The following PARD3B variants were observed in gnomAD, a reference collection of about 807,000 sequenced individuals.
The protein encoded by PARD3B is partitioning defective 3 homolog B.
A neutral mutation model predicts 130.2 loss-of-function variants in PARD3B; 103 were observed. That is an observed-to-expected ratio of 0.79 (90% CI 0.67 to 0.93). The LOEUF is 0.93. Ranked by LOEUF, PARD3B falls within the 40% of genes least tolerant of loss-of-function variation. The probability of loss-of-function intolerance (pLI) is 0.00; values close to 1 mark genes in which losing one functional copy is unlikely to be tolerated. For missense variants in PARD3B, 1,609 were observed against 1,499.2 expected, an observed-to-expected ratio of 1.07 and a Z score of -1.21; for synonymous variants, 583 against 553.2, an observed-to-expected ratio of 1.05 and a Z score of -0.76.
chr2:205,087,563 T>A (rs1177410857), intron 4 of PARD3B, among the ~76,000 whole-genome samples: 1 of 152,320 alleles, frequency 6.6e-6, no homozygotes, highest in African/African-American at 2.4e-5. Context: ...GTTGTCTACA[T>A]TTTATAAAAC....
chr2:205,289,080 T>C (rs2105865691), intron 16 of PARD3B, among the ~76,000 whole-genome samples: 1 of 152,336 alleles, frequency 6.6e-6, no homozygotes, highest in East Asian at 1.9e-4. Flanking sequence ...GGCATGGTTA[T>C]TCTCAGGAAA....
intron 18 of PARD3B, among the ~76,000 whole-genome samples, chr2:205,331,661 T>C (rs1446456054): frequency 2.0e-5 from 3 of 151,138 alleles, no homozygotes; most frequent in African/African-American, 7.3e-5. Context: ...TGGGTGCCTG[T>C]AATCCCAGGT....
intron 4 of PARD3B, among the ~76,000 whole-genome samples, chr2:205,074,773 G>A (rs2125495322): frequency 6.6e-6 from 1 of 152,212 alleles, no homozygotes; most frequent in South Asian, 2.1e-4. Context: ...CTATTTCACA[G>A]GCGCTCAAAA....
rs550927583 is a variant in PARD3B at position 204,700,533 on chromosome 2, A to G, written c.222+14251A>G. Among the ~76,000 whole-genome samples, 3 of 152,252 alleles carry G rather than the reference A, an allele frequency of 2.0e-5. No homozygotes were observed. The South Asian group carries it at 6.2e-4, about 31-fold the overall frequency. On this transcript the variant is annotated intron_variant, in intron 2 of 22. Coordinates refer to ENST00000406610, the MANE Select transcript of PARD3B (RefSeq NM_001302769.2). The stretch of plus-strand genomic sequence containing the variant: ...TTTTGACACGCAATCTTTTATTATG[A>G]CATCTAGTTGATTAATACTTCAGCC...
intron 20 of PARD3B, among the ~76,000 whole-genome samples, chr2:205,450,172 A>G (rs192674903): frequency 9.4e-4 from 143 of 152,298 alleles, no homozygotes; most frequent in Non-Finnish European, 1.7e-3. Context: ...TTATTGGACT[A>G]TATATTATCA....
intron 20 of PARD3B, among the ~76,000 whole-genome samples, chr2:205,479,575 A>G (rs2049150679): frequency 6.6e-6 from 1 of 152,222 alleles, no homozygotes; most frequent in Non-Finnish European, 1.5e-5. Context: ...GTGCTTAGGA[A>G]AAAATGCACC....
At chr2:205,413,452 C>G (rs987066656) in intron 19 of PARD3B, among the ~76,000 whole-genome samples, 14 of 152,044 alleles carry the variant, frequency 9.2e-5, no homozygotes, top group Non-Finnish European at 1.9e-4. Flanking sequence ...TAAGTAGTTG[C>G]TGAATAATGG....
intron 6 of PARD3B, among the ~76,000 whole-genome samples, chr2:205,114,472 A>G (rs373525305): frequency 9.8e-5 from 14 of 142,898 alleles, no homozygotes; most frequent in African/African-American, 3.2e-4. Context: ...CACATCATTG[A>G]AAAGGGGGGA....
intron 16 of PARD3B, among the ~76,000 whole-genome samples, chr2:205,286,999 A>G (rs1032234797): frequency 2.0e-5 from 3 of 152,186 alleles, no homozygotes; most frequent in Non-Finnish European, 4.4e-5. Context: ...GAGCAAACCA[A>G]TGTAATAAAA....
chr2:205,333,642 A>G (rs1211361912), intron 18 of PARD3B, among the ~76,000 whole-genome samples: 1 of 152,204 alleles, frequency 6.6e-6, no homozygotes, highest in African/African-American at 2.4e-5. Flanking sequence ...TTTGAGGGAA[A>G]GAATCTACAG....
At chr2:204,962,303 C>T (rs1299629911) in intron 2 of PARD3B, among the ~76,000 whole-genome samples, 1 of 152,144 alleles carries the variant, frequency 6.6e-6, no homozygotes, top group East Asian at 1.9e-4. Flanking sequence ...TCATCCAATC[C>T]AACATTGCCT....
rs936881607 is a variant in PARD3B, at chr2:204,610,185, C to G, written c.120+64066C>G. ...GCTGGAAATTCAGTTTTTCAGGTTT[C>G]TCTGGAGTCCCCTTGGCCATGAGGG... On this transcript the variant is annotated intron_variant, in intron 1 of 22. Coordinates refer to ENST00000406610, the MANE Select transcript of PARD3B (RefSeq NM_001302769.2). The surrounding 1 kb of genome is among the most constrained non-coding windows in gnomAD (Gnocchi z 4.1). Among the ~76,000 whole-genome samples the G allele has an allele frequency of 1.3e-5, 2 of 152,136 alleles. No homozygotes were observed. The highest frequency in any genetic ancestry group is 2.9e-5 in the Non-Finnish European group (2 of 68,030).
At chr2:204,641,202 G>T (rs960652617) in intron 1 of PARD3B, among the ~76,000 whole-genome samples, 1 of 149,052 alleles carries the variant, frequency 6.7e-6, no homozygotes, top group Non-Finnish European at 1.5e-5. Flanking sequence ...TATATGGCTG[G>T]AGTAAATATA....
intron 16 of PARD3B, among the ~76,000 whole-genome samples, chr2:205,249,237 A>AT (rs2125926032): frequency 7.0e-6 from 1 of 143,526 alleles, no homozygotes; most frequent in African/African-American, 2.6e-5. Flanking sequence ...CTCTTTAACT[A>AT]TAGAAATGTG....
intron 20 of PARD3B, among the ~76,000 whole-genome samples, chr2:205,447,033 G>GA (rs2047930175): frequency 6.6e-6 from 1 of 152,070 alleles, no homozygotes; most frequent in African/African-American, 2.4e-5. Context: ...ATCAGTAAAA[G>GA]AAAAAAATTG....
At chr2:205,317,768 C>T (rs1228415367) in intron 18 of PARD3B, among the ~76,000 whole-genome samples, 1 of 152,000 alleles carries the variant, frequency 6.6e-6, no homozygotes, top group Admixed American at 6.6e-5. Flanking sequence ...CCATATACAA[C>T]AAATTTAAAA....
At chr2:204,802,983 T>TATAATAATA (rs147774357) in intron 2 of PARD3B, among the ~76,000 whole-genome samples, 266 of 148,914 alleles carry the variant, frequency 1.8e-3, no homozygotes, top group African/African-American at 6.0e-3. Flanking sequence ...GAAACTAAAG[T>TATAATAATA]ATAATAATAA....
intron 18 of PARD3B, among the ~76,000 whole-genome samples, chr2:205,315,613 T>G (rs537918780): frequency 5.3e-5 from 8 of 152,340 alleles, no homozygotes; most frequent in Admixed American, 4.6e-4. Context: ...CTATTTAGTT[T>G]GGCATTCAAT....
At chr2:204,859,290 A>G (rs2045087982) in intron 2 of PARD3B, among the ~76,000 whole-genome samples, 2 of 152,196 alleles carry the variant, frequency 1.3e-5, no homozygotes, top group African/African-American at 4.8e-5. Context: ...TTGGGAAATA[A>G]AAACTAGAAA....
Sources: allele counts gnomAD v4.1 joint callset (sites outside exome capture counted in the v4.1 genomes callset), GRCh38; gene constraint gnomAD v4.1.1; non-coding constraint Gnocchi (gnomAD v3.1); transcripts MANE v1.5; gene names NCBI Gene and HGNC (gene_info 2026-07-23, HGNC 2026-07-21).